The following CNTN4 variants were observed in gnomAD, a reference collection of about 807,000 sequenced individuals.
The protein encoded by CNTN4 is contactin-4.
CNTN4 carries 77 observed loss-of-function variants against 122.5 expected under a neutral mutation model. That is an observed-to-expected ratio of 0.63 (90% CI 0.52 to 0.76). The LOEUF (loss-of-function observed/expected upper bound fraction) is 0.76. Among genes scored for constraint, CNTN4 ranks in the 30% least tolerant of loss-of-function variants. The pLI is 0.00. For synonymous variants in CNTN4, 512 were observed against 447.0 expected, an observed-to-expected ratio of 1.15 and a Z score of -1.83; for missense variants, 1,256 against 1,259.1, an observed-to-expected ratio of 1.00 and a Z score of 0.04.
At chr3:2,501,922 G>A (rs925851131) in intron 3 of CNTN4, among the ~76,000 whole-genome samples, 2 of 152,120 alleles carry the variant, frequency 1.3e-5, no homozygotes, top group African/African-American at 4.8e-5. Context: ...ATGGTTCAGT[G>A]TACACAAACT....
intron 17 of CNTN4, 35 bp downstream of exon 17, chr3:3,034,825 G>A: frequency 1.2e-6 from 2 of 1,610,542 alleles, no homozygotes; most frequent in Non-Finnish European, 1.7e-6. Context: ...GAGACATTGG[G>A]AACTCAGCAT....
chr3:2,617,310 A>AT (rs2149886673), intron 4 of CNTN4, among the ~76,000 whole-genome samples: 1 of 152,048 alleles, frequency 6.6e-6, no homozygotes, highest in East Asian at 1.9e-4. Context: ...AAACAACCCC[A>AT]TCAAAAAGTG....
chr3:2,506,279 C>T (rs761927219), intron 3 of CNTN4, among the ~76,000 whole-genome samples: 1 of 152,142 alleles, frequency 6.6e-6, no homozygotes, highest in Non-Finnish European at 1.5e-5. Flanking sequence ...ATCTACCTAG[C>T]GCCTACACGC....
At chr3:2,609,835 G>A (rs1281724703) in intron 4 of CNTN4, among the ~76,000 whole-genome samples, 1 of 151,930 alleles carries the variant, frequency 6.6e-6, no homozygotes, top group Non-Finnish European at 1.5e-5. Context: ...TCAATAAAGA[G>A]GTATTTTTTG....
intron 7 of CNTN4, among the ~76,000 whole-genome samples, chr3:2,836,432 C>A (rs9861814): frequency 6.6e-6 from 1 of 151,778 alleles, no homozygotes; most frequent in African/African-American, 2.4e-5. Flanking sequence ...ATGTTGGTAA[C>A]GCTTACATAG....
At chr3:2,502,045 C>CT (rs1410434543) in intron 3 of CNTN4, among the ~76,000 whole-genome samples, 3 of 152,242 alleles carry the variant, frequency 2.0e-5, no homozygotes, top group African/African-American at 7.2e-5. Context: ...GATCCAATCT[C>CT]TAAGATATCC....
At chr3:2,107,160 C>T (rs1359752237) in intron 2 of CNTN4, among the ~76,000 whole-genome samples, 1 of 152,194 alleles carries the variant, frequency 6.6e-6, no homozygotes, top group African/African-American at 2.4e-5. Context: ...CTGAGCCCTC[C>T]AAACTGTTCC....
intron 5 of CNTN4, among the ~76,000 whole-genome samples, chr3:2,742,936 C>T (rs1164092681): frequency 1.3e-5 from 2 of 152,170 alleles, no homozygotes; most frequent in Non-Finnish European, 2.9e-5. Flanking sequence ...AATAGAGACT[C>T]AACTGCATTT....
intron 2 of CNTN4, among the ~76,000 whole-genome samples, chr3:2,225,468 G>A (rs546892067): frequency 1.3e-4 from 20 of 152,138 alleles, no homozygotes; most frequent in South Asian, 2.1e-4. Context: ...AGCCGAGATC[G>A]TGCTGCTGCA....
intron 3 of CNTN4, among the ~76,000 whole-genome samples, chr3:2,545,715 C>T (rs780279729): frequency 5.4e-5 from 8 of 149,432 alleles, no homozygotes; most frequent in African/African-American, 9.9e-5. Context: ...TTTCCATTTG[C>T]TTGGTAGATA....
At chr3:2,839,996 A>G (rs145336583) in intron 7 of CNTN4, among the ~76,000 whole-genome samples, 10 of 152,220 alleles carry the variant, frequency 6.6e-5, no homozygotes, top group Non-Finnish European at 1.3e-4. Context: ...TAGAAGGTCT[A>G]TGTCTTAAAT....
At chr3:2,554,370 A>C (rs60166223) in intron 3 of CNTN4, among the ~76,000 whole-genome samples, 3,625 of 152,182 alleles carry the variant, frequency 0.024, 146 homozygotes, top group African/African-American at 0.083. Context: ...TACTTTGCTT[A>C]GTCCACATTT....
intron 6 of CNTN4, among the ~76,000 whole-genome samples, chr3:2,785,644 A>G (rs1006838008): frequency 6.6e-6 from 1 of 152,226 alleles, no homozygotes; most frequent in African/African-American, 2.4e-5. Flanking sequence ...TGGGAACTGG[A>G]AGGAAACTCG....
intron 2 of CNTN4, among the ~76,000 whole-genome samples, chr3:2,250,402 A>G (rs2040329772): frequency 6.6e-6 from 1 of 151,968 alleles, no homozygotes; most frequent in African/African-American, 2.4e-5. Context: ...TTCAGCTATC[A>G]ACCCTATTAG....
At chr3:2,490,295 A>G (rs1404267842) in intron 3 of CNTN4, among the ~76,000 whole-genome samples, 1 of 152,164 alleles carries the variant, frequency 6.6e-6, no homozygotes, top group Non-Finnish European at 1.5e-5. Context: ...AGAAACTGTC[A>G]CGCCCACTCT....
intron 2 of CNTN4, among the ~76,000 whole-genome samples, chr3:2,269,086 A>C (rs1303400121): frequency 6.6e-6 from 1 of 152,124 alleles, no homozygotes; most frequent in Non-Finnish European, 1.5e-5. Context: ...CCTCCTTGAG[A>C]AATAAATCCA....
rs373149490 is a variant in CNTN4, at chr3:2,396,075, C to T, written c.-89+56842C>T. Among the ~76,000 whole-genome samples, 72 of 151,238 alleles carry T rather than the reference C, an allele frequency of 4.8e-4. 1 individual carries two copies. The South Asian group carries it at 5.2e-3, about 11-fold the overall frequency. On this transcript the variant is annotated intron_variant, in intron 3 of 24. Coordinates refer to ENST00000418658, the MANE Select transcript of CNTN4 (RefSeq NM_175607.3). ...TTTTTTTTAGACAAAGCCTCAGTGT[C>T]GTACAATGACATGATCATGGCTCAC... is the stretch of plus-strand genomic sequence containing the variant.
At chr3:2,678,551 G>A (rs1304167884) in intron 4 of CNTN4, among the ~76,000 whole-genome samples, 1 of 152,192 alleles carries the variant, frequency 6.6e-6, no homozygotes, top group African/African-American at 2.4e-5. Flanking sequence ...GTTGCTTGAT[G>A]TAAGTGACCG....
chr3:2,235,484 AATAAT>A (rs2039647115), intron 2 of CNTN4, among the ~76,000 whole-genome samples: 1 of 152,074 alleles, frequency 6.6e-6, no homozygotes, highest in Non-Finnish European at 1.5e-5. Context: ...CCCTTTTTCT[AATAAT>A]TCCTATAATT....
Sources: gnomAD v4.1 joint callset for allele counts (sites outside exome capture counted in the v4.1 genomes callset) on GRCh38, gnomAD v4.1.1 for gene constraint, MANE v1.5 for transcripts, NCBI Gene and HGNC (gene_info 2026-07-23, HGNC 2026-07-21) for gene names.